Variants in CLIC4 observed in about 807,000 individuals in gnomAD.
CLIC4 encodes CLIC family member 4.
A neutral mutation model predicts 24.6 loss-of-function variants in CLIC4; 13 were observed. The observed-to-expected ratio is 0.53, with a 90% CI of 0.34 to 0.84. The LOEUF is 0.84. Among genes scored for constraint, CLIC4 ranks in the 40% least tolerant of loss-of-function variants. The pLI is 0.01. For missense variants in CLIC4, 227 were observed against 301.7 expected (o/e 0.75, Z 1.83); for synonymous variants, 104 against 111.3 (o/e 0.93, Z 0.41).
intron 2 of CLIC4, among the ~76,000 whole-genome samples, chr1:24,810,294 A>G (rs1571256160): frequency 6.6e-6 from 1 of 152,062 alleles, no homozygotes; most frequent in Admixed American, 6.6e-5. Flanking sequence ...TTTGATTGTT[A>G]TATCTCTTAA....
chr1:24,780,917 G>A lies in CLIC4; in HGVS notation c.73-16825G>A, dbSNP rs1199763043. ...AACCTGACCAACATGGAGAAGCCCTGTCTCTACTAAAAATACAAAACTAGC... is the reference window on the plus strand; with the variant it reads ...AACCTGACCAACATGGAGAAGCCCTATCTCTACTAAAAATACAAAACTAGC... On this transcript the variant is annotated intron_variant, in intron 1 of 5. Transcript: ENST00000374379. Among the ~76,000 whole-genome samples the A allele has an allele frequency of 2.0e-5, 3 of 151,722 alleles. No individual in the cohort carries two copies. The East Asian group carries it at 5.9e-4, about 30-fold the overall frequency.
At chr1:24,829,962 C>T (rs1325917123) in intron 4 of CLIC4, among the ~76,000 whole-genome samples, 2 of 152,032 alleles carry the variant, frequency 1.3e-5, no homozygotes, top group Non-Finnish European at 2.9e-5. Context: ...ATAAGGTTAC[C>T]CTTTATTAAG....
At chr1:24,817,110 G>C (rs1464450982) in intron 3 of CLIC4, among the ~76,000 whole-genome samples, 1 of 152,158 alleles carries the variant, frequency 6.6e-6, no homozygotes, top group Admixed American at 6.5e-5. Flanking sequence ...TCTTTCAATA[G>C]AAGGTTTTGT....
chr1:24,843,479 G>A lies in CLIC4; in HGVS notation c.*2542G>A, dbSNP rs1388637381. ...GTTTTACTTCAGTGAGGAGATTGGA[G>A]TCTGAATGGATCTGTTTTCCAAGAG... is the stretch of plus-strand genomic sequence containing the variant. On this transcript the variant is annotated 3_prime_UTR_variant, in exon 6 of 6. Transcript: ENST00000374379. 4 of 152,284 alleles carry A rather than the reference G, an allele frequency of 2.6e-5. No individual in the cohort carries two copies. In the East Asian group the frequency reaches 5.8e-4, roughly 22 times the overall value. The allele number at this position is 152,284 out of a possible 1,614,324, so 9.4% of individuals were successfully genotyped here. A position where few individuals can be genotyped will look rare whatever the true frequency, so the allele number is the denominator to read the frequency against.
At chr1:24,811,081 G>GA (rs11365488) in intron 2 of CLIC4, among the ~76,000 whole-genome samples, 1 of 144,240 alleles carries the variant, frequency 6.9e-6, no homozygotes, top group South Asian at 2.2e-4. Context: ...TCTGTCTCAG[G>GA]AAAAAAAAAA....
chr1:24,829,037 A>G (rs1310881192), intron 4 of CLIC4, among the ~76,000 whole-genome samples: 1 of 152,186 alleles, frequency 6.6e-6, no homozygotes, highest in African/African-American at 2.4e-5. Context: ...CCTCAGATCC[A>G]TTTAGTGCAA....
At chr1:24,771,844 CA>C (rs77984282) in intron 1 of CLIC4, 12,671 of 513,754 alleles carry the variant, frequency 0.025, 215 homozygotes, top group East Asian at 0.045. Flanking sequence ...AGGCCAGGTT[CA>C]AGTCCTATGT....
At chr1:24,799,382 G>C (rs1157625488) in intron 2 of CLIC4, among the ~76,000 whole-genome samples, 2 of 149,454 alleles carry the variant, frequency 1.3e-5, no homozygotes, top group East Asian at 4.0e-4. Context: ...CGGCCGCCCC[G>C]TCTGAGAAGT....
At chr1:24,826,007 C>G (rs1571263842) in intron 3 of CLIC4, among the ~76,000 whole-genome samples, 1 of 152,212 alleles carries the variant, frequency 6.6e-6, no homozygotes, top group Non-Finnish European at 1.5e-5. Flanking sequence ...CTAGCCCTGA[C>G]TCCTGGGGCT....
chr1:24,813,008 C>T (rs965335264), intron 2 of CLIC4, among the ~76,000 whole-genome samples: 6 of 148,794 alleles, frequency 4.0e-5, no homozygotes, highest in African/African-American at 1.5e-4. Context: ...TGAGCCACCA[C>T]ACCTGGTTGA....
chr1:24,750,468 C>T (rs530384862), intron 1 of CLIC4, among the ~76,000 whole-genome samples: 168 of 143,038 alleles, frequency 1.2e-3, no homozygotes, highest in African/African-American at 4.3e-3. Context: ...CGGAGTTTCG[C>T]TCTTGTTACC....
intron 4 of CLIC4, 99 bp downstream of exon 4, chr1:24,827,215 A>G: frequency 2.8e-6 from 2 of 713,308 alleles, no homozygotes; most frequent in Non-Finnish European, 4.7e-6. Flanking sequence ...TTTAGAGTCC[A>G]GCCATTCCCA....
At chr1:24,792,067 A>G (rs930136197) in intron 1 of CLIC4, among the ~76,000 whole-genome samples, 10 of 149,962 alleles carry the variant, frequency 6.7e-5, no homozygotes, top group East Asian at 3.9e-4. Flanking sequence ...AAAAAAAAAA[A>G]AAAGAAATTT....
At chr1:24,825,616 G>T (rs756618425) in intron 3 of CLIC4, among the ~76,000 whole-genome samples, 2 of 152,188 alleles carry the variant, frequency 1.3e-5, no homozygotes, top group African/African-American at 4.8e-5. Flanking sequence ...GCTATCTAGA[G>T]ACTAGGTACA....
At position 24,772,007 on chromosome 1, in the gene CLIC4, C is replaced by T. The variant is rs1027454975; in HGVS notation, c.73-25735C>T. ...AGAAAGTTGAGCCCTGAGATTCCAA[C>T]GTCAGATCCAGAGAATTAAATTCTC... On this transcript the variant is annotated intron_variant, in intron 1 of 5. Coordinates refer to ENST00000374379, the MANE Select transcript of CLIC4 (RefSeq NM_013943.3). 5.1e-4 allele frequency among the ~76,000 whole-genome samples: 78 copies of T among 152,156 alleles called. 1 individual carries two copies. The highest frequency in any genetic ancestry group is 1.8e-3 in the African/African-American group (76 of 41,444).
At chr1:24,789,243 C>T (rs532327994) in intron 1 of CLIC4, among the ~76,000 whole-genome samples, 4 of 152,256 alleles carry the variant, frequency 2.6e-5, no homozygotes, top group South Asian at 4.1e-4. Context: ...ACAGGCTGGG[C>T]GAGGAGGCTC....
intron 2 of CLIC4, among the ~76,000 whole-genome samples, chr1:24,800,815 A>G (rs945153002): frequency 1.3e-5 from 2 of 152,170 alleles, no homozygotes; most frequent in African/African-American, 4.8e-5. Context: ...TCAGGGTTAA[A>G]TGGATTAAGG....
In CLIC4 at chr1:24,745,534, GGAGCGCAGCC is replaced by G; in HGVS notation, c.-15_-6del. On this transcript the variant is annotated 5_prime_UTR_variant, in exon 1 of 6. Coordinates refer to ENST00000374379, the MANE Select transcript of CLIC4 (RefSeq NM_013943.3). Reference sequence around the variant, plus strand: ...AGCAGCAGCAGCCCTCGCCGTTCGCGGAGCGCAGCCGAGCCGGCCATGGCGTTGTCGATGC... The same window carrying G: ...AGCAGCAGCAGCCCTCGCCGTTCGCGGAGCCGGCCATGGCGTTGTCGATGC... The G allele has an allele frequency of 6.3e-7, 1 of 1,574,804 alleles. No homozygotes were observed. The highest frequency in any genetic ancestry group is 8.6e-7 in the Non-Finnish European group (1 of 1,164,272).
At chr1:24,786,790 T>C (rs1278291977) in intron 1 of CLIC4, among the ~76,000 whole-genome samples, 1 of 152,008 alleles carries the variant, frequency 6.6e-6, no homozygotes, top group East Asian at 1.9e-4. Flanking sequence ...GCTAATTTTT[T>C]TGTATTTTTA....
Sources: gnomAD v4.1 joint callset for allele counts (sites outside exome capture counted in the v4.1 genomes callset) on GRCh38, gnomAD v4.1.1 for gene constraint, MANE v1.5 for transcripts, NCBI Gene and HGNC (gene_info 2026-07-23, HGNC 2026-07-21) for gene names.